The following SHPRH variants were observed in gnomAD, a reference collection of about 807,000 sequenced individuals.
The protein encoded by SHPRH is E3 ubiquitin-protein ligase SHPRH.
In SHPRH, 106 loss-of-function variants were observed where a neutral mutation model predicts 202.5. The ratio of observed to expected loss-of-function variants is 0.52; its 90% CI spans 0.45 to 0.62. SHPRH has a LOEUF of 0.62. Among genes scored for constraint, SHPRH ranks in the 20% least tolerant of loss-of-function variants. The pLI, the probability that SHPRH is intolerant of heterozygous loss-of-function variation, is 0.00. For synonymous variants in SHPRH, 729 were observed against 686.0 expected, an observed-to-expected ratio of 1.06 and a Z score of -0.98; for missense variants, 1,710 against 2,020.0, an observed-to-expected ratio of 0.85 and a Z score of 2.94.
Position 145,893,201 on chromosome 6 carries a change from A to G in SHPRH, c.4874+14T>C, listed in dbSNP as rs771105025. On this transcript the variant is annotated intron_variant, in intron 28 of 29. Transcript: ENST00000275233. ...ACTGAAGCAAATGTGACTGATTCTA[A>G]TTTTAGTCCTTACTTTGTCTGTCCA... The G allele has an allele frequency of 6.7e-7, 1 of 1,503,738 alleles. No homozygotes were observed. The highest frequency in any genetic ancestry group is 8.9e-7 in the Non-Finnish European group (1 of 1,127,304). 93.1% of individuals were successfully genotyped at this position (1,503,738 alleles called of 1,614,324 possible). A position where few individuals can be genotyped will look rare whatever the true frequency, so the allele number is the denominator to read the frequency against.
chr6:145,872,959 CACTT>C (rs1014261795), intron 2 of SHPRH, among the ~76,000 whole-genome samples: 2 of 152,292 alleles, frequency 1.3e-5, no homozygotes, highest in South Asian at 2.1e-4. Flanking sequence ...TGCATGTTCT[CACTT>C]ACAAGTGGGA....
At chr6:145,921,510 A>G in intron 20 of SHPRH, 118 bp from the exon 21 acceptor site, 1 of 956,984 alleles carries the variant, frequency 1.0e-6, no homozygotes, top group Admixed American at 2.8e-5. Flanking sequence ...AGCAACCTTG[A>G]AAAAGCTGAA....
Position 145,894,165 on chromosome 6 carries a change from A to T in SHPRH, c.4680T>A (p.Arg1560=). The change falls in exon 27 of 30, where the codon CGT becomes CGA. Residue 1560 remains arginine, a synonymous_variant. Coordinates refer to ENST00000275233, the MANE Select transcript of SHPRH (RefSeq NM_001042683.3). ...CTTAACATACCTGAAATGTCTTAAC[A>T]CGACTGATTTGTGCAAATTCCATGT... is the stretch of plus-strand genomic sequence containing the variant. The part of the protein sequence containing the change: ...DNNMEFAQIS[R]VKTFQENLSA... 1.9e-6 allele frequency: 3 copies of T among 1,603,940 alleles called. No homozygotes were observed. The highest frequency in any genetic ancestry group is 2.6e-6 in the Non-Finnish European group (3 of 1,176,388).
chr6:145,957,926 T>A lies in SHPRH; in HGVS notation c.-32-2572A>T, dbSNP rs116483935. ...GCCCCAAACTGGAAGAAAACCCAAA[T>A]GTCCATCAACTGGTGAATGGACAAA... On this transcript the variant is annotated intron_variant, in intron 1 of 29. Transcript: ENST00000275233. Among the ~76,000 whole-genome samples, 768 of 152,312 alleles carry A rather than the reference T, an allele frequency of 5.0e-3. 4 individuals are homozygous for A. Among genetic ancestry groups the A allele is most frequent in the African/African-American group, 0.018 (747 of 41,574 alleles).
chr6:145,941,535 A>G (rs1786775288), intron 10 of SHPRH, 88 bp downstream of exon 10: 2 of 1,544,328 alleles, frequency 1.3e-6, no homozygotes, highest in African/African-American at 1.4e-5. Context: ...CAGGTTAACT[A>G]TGCTTAAACT....
chr6:145,941,611 A>G lies in SHPRH; in HGVS notation c.2490+12T>C. The G allele has an allele frequency of 1.2e-6, 2 of 1,611,866 alleles. No homozygotes were observed. The highest frequency in any genetic ancestry group is 2.7e-5 in the African/African-American group (2 of 74,914). ...TTCCCCAGCCCTCAAAAGATTTTGC[A>G]GAAACTCTCACTTTTACTGTGGGAC... is the stretch of plus-strand genomic sequence containing the variant. On this transcript the variant is annotated intron_variant, in intron 10 of 29. Transcript: ENST00000275233.
rs1444139259 is a variant in SHPRH, at chr6:145,955,467, T to C, written c.-32-113A>G. 1.1e-5 allele frequency: 11 copies of C among 1,043,138 alleles called. No individual in the cohort carries two copies. In the East Asian group the frequency reaches 2.7e-4, roughly 26 times the overall value. 64.6% of individuals were successfully genotyped at this position (1,043,138 alleles called of 1,614,324 possible). ...TAGCCCATAAACATAATATGAAATC[T>C]TCTGTGAGATATAAGGCAATGAGTA... On this transcript the variant is annotated intron_variant, in intron 1 of 29. Transcript: ENST00000275233.
intron 23 of SHPRH, chr6:145,917,376 T>C (rs1057452703): frequency 2.6e-5 from 4 of 152,178 alleles, no homozygotes; most frequent in Admixed American, 2.6e-4. Context: ...GATTCAAAAT[T>C]GGGCTGTCCA....
chr6:145,898,543 T>C (rs1305397398), intron 25 of SHPRH, among the ~76,000 whole-genome samples: 1 of 152,170 alleles, frequency 6.6e-6, no homozygotes, highest in Non-Finnish European at 1.5e-5. Context: ...AAGTGGGGCC[T>C]AGTGGCAGGT....
intron 15 of SHPRH, 47 bp downstream of exon 15, chr6:145,927,142 T>TA (rs751040291): frequency 7.7e-6 from 12 of 1,549,356 alleles, no homozygotes; most frequent in East Asian, 4.6e-5. Flanking sequence ...ATTATTTTGT[T>TA]AAAAAAACAA....
Position 145,948,358 on chromosome 6 carries a change from A to G in SHPRH, c.983-8T>C. 6.3e-7 allele frequency: 1 copy of G among 1,592,498 alleles called. No homozygotes were observed. Among genetic ancestry groups the G allele is most frequent in the Non-Finnish European group, 8.5e-7 (1 of 1,169,934 alleles). ...AGAAGTGCAGGGCACTTTCTAAAGA[A>G]AAATATAATCATAATAACAAATTTT... On this transcript the variant is annotated splice_region_variant and splice_polypyrimidine_tract_variant and intron_variant, in intron 4 of 29. Coordinates refer to ENST00000275233, the MANE Select transcript of SHPRH (RefSeq NM_001042683.3).
At chr6:145,945,184 A>G (rs1032486773) in intron 8 of SHPRH, among the ~76,000 whole-genome samples, 197 bp downstream of exon 8, 1 of 152,204 alleles carries the variant, frequency 6.6e-6, no homozygotes, top group East Asian at 1.9e-4. Flanking sequence ...TCTAGGTTTA[A>G]TGATAGCCAA....
intron 2 of SHPRH, among the ~76,000 whole-genome samples, chr6:145,869,938 C>T (rs1368333177): frequency 1.3e-5 from 2 of 151,374 alleles, no homozygotes; most frequent in Non-Finnish European, 2.9e-5. Context: ...TTGGGAAGAA[C>T]TAAGGTCTTG....
chr6:145,883,306 G>A (rs1349590593), downstream of SHPRH: 1 of 152,190 alleles, frequency 6.6e-6, no homozygotes, highest in African/African-American at 2.4e-5. Flanking sequence ...ATGAAGATAC[G>A]AGGATGGTGT....
At chr6:145,865,578 G>T (rs145472640) in intron 2 of SHPRH, among the ~76,000 whole-genome samples, 2 of 152,328 alleles carry the variant, frequency 1.3e-5, no homozygotes, top group Admixed American at 6.5e-5. Context: ...TTCCTGTCAG[G>T]ATTTAGAAGC....
chr6:145,926,081 A>C, intron 16 of SHPRH, 123 bp downstream of exon 16: 1 of 933,370 alleles, frequency 1.1e-6, no homozygotes, highest in Non-Finnish European at 1.6e-6. Flanking sequence ...TCGAAACATC[A>C]AAGTAACAGG....
At chr6:145,907,827 T>C in intron 25 of SHPRH, 1 of 152,268 alleles carries the variant, frequency 6.6e-6, no homozygotes, top group Non-Finnish European at 1.5e-5. Context: ...ACAGGATACA[T>C]GTACAGAATA....
intron 15 of SHPRH, 105 bp from the exon 16 acceptor site, chr6:145,926,401 A>C: frequency 4.4e-6 from 4 of 913,414 alleles, no homozygotes; most frequent in Non-Finnish European, 6.8e-6. Context: ...CATTAAGATC[A>C]TATCACCAAA....
intron 25 of SHPRH, chr6:145,903,458 A>G (rs930941580): frequency 1.3e-5 from 2 of 152,030 alleles, no homozygotes; most frequent in Non-Finnish European, 2.9e-5. Flanking sequence ...AAGGCTGTAT[A>G]AGATATCTCT....
Sources: allele counts gnomAD v4.1 joint callset (sites outside exome capture counted in the v4.1 genomes callset), GRCh38; gene constraint gnomAD v4.1.1; transcripts MANE v1.5; gene names NCBI Gene and HGNC (gene_info 2026-07-23, HGNC 2026-07-21).